Variants in MAN2A1 observed in about 807,000 individuals in gnomAD.
MAN2A1 encodes the protein mannosidase alpha class 2A member 1.
Under a neutral mutation model 142.6 loss-of-function variants are expected in MAN2A1, and 76 were observed. The ratio of observed to expected loss-of-function variants is 0.53; its 90% CI spans 0.44 to 0.65. The LOEUF (loss-of-function observed/expected upper bound fraction) is 0.65, where lower values mean the gene tolerates loss of function less well. Among genes scored for constraint, MAN2A1 ranks in the 30% least tolerant of loss-of-function variants. MAN2A1 has a pLI of 0.00. For missense variants in MAN2A1, 1,311 were observed against 1,365.1 expected (o/e 0.96, Z 0.62); for synonymous variants, 559 against 473.2 (o/e 1.18, Z -2.35).
intron 4 of MAN2A1, among the ~76,000 whole-genome samples, chr5:109,741,601 T>C (rs980949532): frequency 6.6e-6 from 1 of 152,140 alleles, no homozygotes; most frequent in African/African-American, 2.4e-5. Flanking sequence ...TCCAGCAGAG[T>C]TCCACGTAAG....
At chr5:109,846,728 C>A (rs1755352925) in intron 18 of MAN2A1, among the ~76,000 whole-genome samples, 1 of 152,198 alleles carries the variant, frequency 6.6e-6, no homozygotes, top group Non-Finnish European at 1.5e-5. Context: ...TCCTTTGACA[C>A]AAGCCCACTT....
chr5:109,800,440 C>T (rs1753990774), intron 12 of MAN2A1, among the ~76,000 whole-genome samples: 1 of 152,148 alleles, frequency 6.6e-6, no homozygotes, highest in African/African-American at 2.4e-5. Flanking sequence ...CTGCCAGTAG[C>T]ATTTGAGCTA....
At chr5:109,726,127 GA>G (rs1415840342) in intron 3 of MAN2A1, among the ~76,000 whole-genome samples, 1 of 152,030 alleles carries the variant, frequency 6.6e-6, no homozygotes, top group Non-Finnish European at 1.5e-5. Context: ...CCAACAGAAA[GA>G]AAAAAAGCTG....
rs893884836 is a variant in MAN2A1, at chr5:109,855,177, T to G, written c.3014T>G (p.Leu1005Arg). ...AAGTCGGTCAGTTATCCTTCTCTCCTTAGCCACATAACTTCTTCTCTCATG... is the reference window on the plus strand; with the variant it reads ...AAGTCGGTCAGTTATCCTTCTCTCCGTAGCCACATAACTTCTTCTCTCATG... ...EKKSVSYPSL[L>R]SHITSSLMNH... is the part of the protein sequence containing the mutation. Residue 1005 changes from leucine to arginine, a missense_variant, in exon 20 of 22, where the codon CTT becomes CGT. Around this residue, in one of 3 missense-constraint regions of MAN2A1, gnomAD observed 890 missense variants for 920.5 expected, o/e 0.97. Transcript: ENST00000261483. 5.0e-6 allele frequency: 8 copies of G among 1,594,992 alleles called. No individual in the cohort carries two copies. The highest frequency in any genetic ancestry group is 6.8e-6 in the Non-Finnish European group (8 of 1,174,094).
chr5:109,779,009 C>A (rs905261921), intron 8 of MAN2A1, among the ~76,000 whole-genome samples: 5 of 151,934 alleles, frequency 3.3e-5, no homozygotes, highest in African/African-American at 7.2e-5. Context: ...AAAGTTGTTG[C>A]CTTTTAATGT....
Position 109,781,407 on chromosome 5 carries a change from AAC to A in MAN2A1, c.1387_1388del (p.Thr463PhefsTer6). ...TTTTTTAAAACTAGATACAGTTTGG[AAC>A]TTTATCAGATTTTTTTGATGCGCTG... ...SKFKVKIQFG[T>X]LSDFFDALDK... On this transcript the variant is annotated frameshift_variant, in exon 9 of 22. Coordinates refer to ENST00000261483, the MANE Select transcript of MAN2A1 (RefSeq NM_002372.4). LOFTEE classifies it high-confidence loss of function. 1 of 1,602,536 alleles carries A rather than the reference AAC, an allele frequency of 6.2e-7. No individual in the cohort carries two copies. Among genetic ancestry groups the A allele is most frequent in the Non-Finnish European group, 8.5e-7 (1 of 1,176,402 alleles).
At chr5:109,808,885 TAG>T (rs1754244951) in intron 12 of MAN2A1, among the ~76,000 whole-genome samples, 1 of 151,982 alleles carries the variant, frequency 6.6e-6, no homozygotes. Flanking sequence ...GTATTTTTAG[TAG>T]AGACAGGATG....
At chr5:109,710,956 C>T (rs1371514145) in intron 1 of MAN2A1, among the ~76,000 whole-genome samples, 3 of 152,146 alleles carry the variant, frequency 2.0e-5, no homozygotes, top group East Asian at 1.9e-4. Flanking sequence ...TCCCAAAGTG[C>T]TGGGATTACA....
At chr5:109,706,541 A>G (rs1751138486) in intron 1 of MAN2A1, among the ~76,000 whole-genome samples, 1 of 152,238 alleles carries the variant, frequency 6.6e-6, no homozygotes, top group Non-Finnish European at 1.5e-5. Context: ...AAGTGCGGAA[A>G]CTAGTATTGG....
At chr5:109,762,137 C>G (rs1052083727) in intron 5 of MAN2A1, among the ~76,000 whole-genome samples, 1 of 151,990 alleles carries the variant, frequency 6.6e-6, no homozygotes, top group African/African-American at 2.4e-5. Flanking sequence ...TTTTTTTCCA[C>G]AAGGATAGGA....
chr5:109,735,327 A>G (rs375181367), intron 4 of MAN2A1, among the ~76,000 whole-genome samples: 2,829 of 152,082 alleles, frequency 0.019, 33 homozygotes, highest in Middle Eastern at 0.071. Flanking sequence ...TCTTTATCCA[A>G]TTTTCCAGTC....
chr5:109,737,761 T>C (rs1042291988), intron 4 of MAN2A1, among the ~76,000 whole-genome samples: 4 of 152,190 alleles, frequency 2.6e-5, no homozygotes, highest in African/African-American at 4.8e-5. Flanking sequence ...TAATCCAGTT[T>C]TACCTGTGTT....
chr5:109,823,735 A>C lies in MAN2A1; in HGVS notation c.2464A>C (p.Thr822Pro). Reference sequence around the variant, plus strand: ...ATTTTCTTTTCAGCCTTATGTTTACACAACACCGCCCTTTGTCAGAGTGAC... The same window carrying C: ...ATTTTCTTTTCAGCCTTATGTTTACCCAACACCGCCCTTTGTCAGAGTGAC... The part of the protein sequence containing the change: ...PDGNAKPYVY[T>P]TPPFVRVTHG... The change falls in exon 16 of 22, where the codon ACA becomes CCA. Residue 822 changes from threonine (T) to proline (P), a missense_variant. By Grantham distance (38) the Thr-to-Pro change is conservative. Transcript: ENST00000261483. 6.3e-7 allele frequency: 1 copy of C among 1,595,382 alleles called. No homozygotes were observed. Among genetic ancestry groups the C allele is most frequent in the Non-Finnish European group, 8.6e-7 (1 of 1,166,374 alleles).
At chr5:109,794,359 T>C (rs1753808666) in intron 12 of MAN2A1, 1 of 152,174 alleles carries the variant, frequency 6.6e-6, no homozygotes, top group South Asian at 2.1e-4. Flanking sequence ...GCTCATGGAT[T>C]ATGATGGTTT....
At chr5:109,712,669 T>C (rs1028853025) in intron 1 of MAN2A1, among the ~76,000 whole-genome samples, 1 of 152,210 alleles carries the variant, frequency 6.6e-6, no homozygotes, top group Admixed American at 6.5e-5. Context: ...ACCTTGTGTG[T>C]TCAAAGACAG....
chr5:109,816,460 A>G (rs866545649), intron 12 of MAN2A1, among the ~76,000 whole-genome samples: 11 of 151,990 alleles, frequency 7.2e-5, no homozygotes, highest in African/African-American at 2.7e-4. Context: ...ACCATTACTT[A>G]CTATAAACAT....
At chr5:109,793,524 C>T (rs1270415885) in intron 12 of MAN2A1, among the ~76,000 whole-genome samples, 1 of 152,018 alleles carries the variant, frequency 6.6e-6, no homozygotes, top group Non-Finnish European at 1.5e-5. Context: ...ATGTGGTATC[C>T]TGGTATATAT....
chr5:109,694,891 A>G (rs1750770123), intron 1 of MAN2A1, among the ~76,000 whole-genome samples: 1 of 152,176 alleles, frequency 6.6e-6, no homozygotes, highest in Middle Eastern at 3.2e-3. Context: ...CCTTGAGTGC[A>G]GTCTATTTAT....
At chr5:109,856,639 CCTT>C (rs1353921151) in intron 20 of MAN2A1, among the ~76,000 whole-genome samples, 3 of 152,118 alleles carry the variant, frequency 2.0e-5, no homozygotes, top group Non-Finnish European at 4.4e-5. Flanking sequence ...TGGTTTTTTT[CCTT>C]CTTCAGCTCA....
Sources: gnomAD v4.1 joint callset for allele counts (sites outside exome capture counted in the v4.1 genomes callset) on GRCh38, gnomAD v4.1.1 for gene constraint, gnomAD v4.1.1 regional missense constraint, MANE v1.5 for transcripts, NCBI Gene and HGNC (gene_info 2026-07-23, HGNC 2026-07-21) for gene names.